Variants in IGF2BP2 observed in about 807,000 individuals in gnomAD.
IGF2BP2 encodes insulin-like growth factor 2 mRNA-binding protein 2.
A neutral mutation model predicts 75.8 loss-of-function variants in IGF2BP2; 17 were observed. The ratio of observed to expected loss-of-function variants is 0.22; its 90% CI spans 0.15 to 0.34. The LOEUF (loss-of-function observed/expected upper bound fraction) is 0.34, where lower values mean the gene tolerates loss of function less well. Among genes scored for constraint, IGF2BP2 ranks in the 10% least tolerant of loss-of-function variants. The probability of loss-of-function intolerance (pLI) is 1.00; values close to 1 mark genes in which losing one functional copy is unlikely to be tolerated. For missense variants in IGF2BP2, 516 were observed against 772.4 expected, an observed-to-expected ratio of 0.67 and a Z score of 3.93; for synonymous variants, 288 against 295.6, an observed-to-expected ratio of 0.97 and a Z score of 0.26.
intron 9 of IGF2BP2, 67 bp from the exon 10 acceptor site, chr3:185,672,736 C>T: frequency 6.3e-7 from 1 of 1,576,700 alleles, no homozygotes; most frequent in Non-Finnish European, 8.7e-7. Flanking sequence ...CCTGGGTCAA[C>T]CTCCCTCTCT....
intron 2 of IGF2BP2, among the ~76,000 whole-genome samples, chr3:185,700,412 A>G (rs1390019955): frequency 6.6e-6 from 1 of 152,168 alleles, no homozygotes; most frequent in Non-Finnish European, 1.5e-5. Context: ...TAATGACTAT[A>G]CAGAATCACT....
At chr3:185,765,757 T>C (rs1030261385) in intron 2 of IGF2BP2, among the ~76,000 whole-genome samples, 1 of 152,212 alleles carries the variant, frequency 6.6e-6, no homozygotes, top group African/African-American at 2.4e-5. Context: ...TTGACTTTCA[T>C]TGGCTGAAAG....
chr3:185,797,266 A>T (rs1053490133), intron 2 of IGF2BP2, among the ~76,000 whole-genome samples: 1 of 152,162 alleles, frequency 6.6e-6, no homozygotes, highest in Non-Finnish European at 1.5e-5. Flanking sequence ...TTGTGCTCAC[A>T]ATGTAGGAAA....
chr3:185,722,243 T>C (rs768688362), intron 2 of IGF2BP2: 8 of 456,198 alleles, frequency 1.8e-5, no homozygotes, highest in South Asian at 1.1e-4. Context: ...CGCAAGTGTT[T>C]ATCCCCATTC....
intron 7 of IGF2BP2, 127 bp from the exon 8 acceptor site, chr3:185,676,040 T>C: frequency 7.9e-7 from 1 of 1,260,598 alleles, no homozygotes; most frequent in Non-Finnish European, 1.1e-6. Context: ...TGATGGGATT[T>C]GGGAGAGGTC....
chr3:185,804,217 T>C (rs541778432), intron 2 of IGF2BP2, among the ~76,000 whole-genome samples: 67 of 143,526 alleles, frequency 4.7e-4, no homozygotes, highest in African/African-American at 1.7e-3. Context: ...GATGGCGCCA[T>C]TGTACTCCAG....
intron 14 of IGF2BP2, among the ~76,000 whole-genome samples, chr3:185,648,840 C>T (rs919325521): frequency 3.9e-5 from 6 of 152,210 alleles, no homozygotes; most frequent in Non-Finnish European, 7.3e-5. Flanking sequence ...GCTAAACTAG[C>T]TCCCCTAGAG....
At chr3:185,774,454 G>A (rs1734273987) in intron 2 of IGF2BP2, among the ~76,000 whole-genome samples, 2 of 151,944 alleles carry the variant, frequency 1.3e-5, no homozygotes, top group South Asian at 4.2e-4. Context: ...AATTAGCCAG[G>A]CATGGTGGCA....
intron 6 of IGF2BP2, among the ~76,000 whole-genome samples, chr3:185,687,823 C>T (rs1721361019): frequency 6.6e-6 from 1 of 152,090 alleles, no homozygotes; most frequent in Non-Finnish European, 1.5e-5. Context: ...CTGATTATAT[C>T]CTTTTTACTT....
At chr3:185,709,457 CCCACT>C (rs1386264991) in intron 2 of IGF2BP2, among the ~76,000 whole-genome samples, 1 of 152,198 alleles carries the variant, frequency 6.6e-6, no homozygotes, top group Non-Finnish European at 1.5e-5. Flanking sequence ...TTTTTCCTGG[CCCACT>C]CCATCCCACA....
rs200474932 is a variant in IGF2BP2 at position 185,689,502 on chromosome 3, C to T, written c.530G>A (p.Arg177Gln). 9.9e-6 allele frequency: 16 copies of T among 1,613,906 alleles called. No homozygotes were observed. Among genetic ancestry groups the T allele is most frequent in the African/African-American group, 5.3e-5 (4 of 75,054 alleles). Residue 177 changes from arginine (R) to glutamine (Q), a missense_variant, in exon 6 of 16, where the codon CGG (arginine) becomes CAG (glutamine). Coordinates refer to ENST00000382199, the MANE Select transcript of IGF2BP2 (RefSeq NM_006548.6). ...GCCCCCAGGGGCGTGGCCTTGCTCC[C>T]GGGAAGAGTGGTCCCCACGCTGGGC... ...QRAQRGDHSSREQGHAPGGTS... is the reference protein window; with the variant it reads ...QRAQRGDHSSQEQGHAPGGTS...
intron 2 of IGF2BP2, among the ~76,000 whole-genome samples, chr3:185,774,174 A>G (rs893630198): frequency 6.6e-6 from 1 of 152,148 alleles, no homozygotes; most frequent in Admixed American, 6.5e-5. Context: ...TGAGGCGGGT[A>G]TGGACAGTCT....
At chr3:185,672,434 C>T (rs1437215654) in intron 10 of IGF2BP2, 107 bp downstream of exon 10, 1 of 1,153,948 alleles carries the variant, frequency 8.7e-7, no homozygotes, top group East Asian at 2.6e-5. Flanking sequence ...TCTACTCGAG[C>T]ATGGCCTTTA....
At chr3:185,823,413 G>T in intron 1 of IGF2BP2, 200 bp from the exon 2 acceptor site, 1 of 481,862 alleles carries the variant, frequency 2.1e-6, no homozygotes, top group Non-Finnish European at 3.7e-6. Flanking sequence ...AAGGCGAGGA[G>T]GGTGCGAGCC....
In IGF2BP2 at chr3:185,647,826, C is replaced by T. The variant is rs1713855962; in HGVS notation, c.1594-688G>A. Among the ~76,000 whole-genome samples the T allele has an allele frequency of 6.6e-6, 1 of 152,280 alleles. No homozygotes were observed. Among genetic ancestry groups the T allele is most frequent in the South Asian group, 2.1e-4 (1 of 4,834 alleles). On this transcript the variant is annotated intron_variant, in intron 14 of 15. Transcript: ENST00000382199. This position sits in a 1 kb window ranked among gnomAD's most constrained non-coding sequence, Gnocchi z 4.9. ...TTCCTGAGGGCTCAGACCCCGTCCT[C>T]TGGCCCTCTGGCCTGATGCCGAGCT...
At chr3:185,796,630 A>AG (rs1195231984) in intron 2 of IGF2BP2, among the ~76,000 whole-genome samples, 72 of 126,054 alleles carry the variant, frequency 5.7e-4, no homozygotes, top group African/African-American at 1.2e-3. Flanking sequence ...AAAAAAAAAA[A>AG]AAAAGAGAGA....
chr3:185,650,654 G>GT (rs970012143), intron 13 of IGF2BP2, among the ~76,000 whole-genome samples: 4 of 151,820 alleles, frequency 2.6e-5, no homozygotes, highest in African/African-American at 9.7e-5. Context: ...TCCAGCATGG[G>GT]TGACAGAGGG....
intron 2 of IGF2BP2, among the ~76,000 whole-genome samples, chr3:185,790,730 A>G (rs964214972): frequency 1.3e-5 from 2 of 152,238 alleles, no homozygotes; most frequent in Non-Finnish European, 2.9e-5. Context: ...ACCAGCCACA[A>G]GGAAACTTGA....
At chr3:185,751,034 T>G (rs527692963) in intron 2 of IGF2BP2, among the ~76,000 whole-genome samples, 10 of 151,856 alleles carry the variant, frequency 6.6e-5, no homozygotes, top group African/African-American at 1.7e-4. Flanking sequence ...CTGGCCAACA[T>G]AGTGAAACCT....
Sources: allele counts gnomAD v4.1 joint callset (sites outside exome capture counted in the v4.1 genomes callset), GRCh38; gene constraint gnomAD v4.1.1; non-coding constraint Gnocchi (gnomAD v3.1); transcripts MANE v1.5; gene names NCBI Gene and HGNC (gene_info 2026-07-23, HGNC 2026-07-21).